The following INSR variants were observed in gnomAD, a reference collection of about 807,000 sequenced individuals.
The protein encoded by INSR is IR.
A neutral mutation model predicts 142.6 loss-of-function variants in INSR; 67 were observed. The observed-to-expected ratio is 0.47, with a 90% CI of 0.39 to 0.58. INSR has a LOEUF of 0.58. INSR is among the 20% of genes least tolerant of loss of function. The pLI, the probability that INSR is intolerant of heterozygous loss-of-function variation, is 0.00. For missense variants in INSR, 1,248 were observed against 1,833.2 expected (o/e 0.68, Z 5.83); for synonymous variants, 756 against 743.1 (o/e 1.02, Z -0.28).
rs112696002 is a variant in INSR at position 7,192,780 on chromosome 19, C to T, written c.653-8143G>A. 6.0e-4 allele frequency among the ~76,000 whole-genome samples: 91 copies of T among 152,306 alleles called. No homozygotes were observed. Among genetic ancestry groups the T allele is most frequent in the African/African-American group, 2.0e-3 (82 of 41,576 alleles). On this transcript the variant is annotated intron_variant, in intron 2 of 21. Coordinates refer to ENST00000302850, the MANE Select transcript of INSR (RefSeq NM_000208.4). The surrounding 1 kb of genome is among the most constrained non-coding windows in gnomAD (Gnocchi z 4.2). Reference sequence around the variant, plus strand: ...CATTGAGCTGCTGGTCCCAATTTTCCCCCAGTTCTCCCTAAACCTCCCAAA... The same window carrying T: ...CATTGAGCTGCTGGTCCCAATTTTCTCCCAGTTCTCCCTAAACCTCCCAAA...
intron 2 of INSR, among the ~76,000 whole-genome samples, chr19:7,233,864 G>A (rs988086067): frequency 2.0e-5 from 3 of 151,040 alleles, no homozygotes; most frequent in Admixed American, 2.0e-4. Flanking sequence ...TTTTAGTAGA[G>A]ACAGGGTTTC....
chr19:7,153,068 A>T (rs1599914138), intron 9 of INSR, 141 bp from the exon 10 acceptor site: 1 of 464,552 alleles, frequency 2.2e-6, no homozygotes, highest in Non-Finnish European at 3.9e-6. Context: ...CACACACACC[A>T]CACACATCAC....
At chr19:7,157,107 A>G (rs1295966124) in intron 9 of INSR, among the ~76,000 whole-genome samples, 3 of 152,150 alleles carry the variant, frequency 2.0e-5, no homozygotes, top group Admixed American at 2.0e-4. Flanking sequence ...CAGCCTCCCA[A>G]GTAGCTGGGA....
Position 7,212,922 on chromosome 19 carries a change from T to C in INSR, c.653-28285A>G, listed in dbSNP as rs573932921. On this transcript the variant is annotated intron_variant, in intron 2 of 21. Transcript: ENST00000302850. ...TTCCATCTGCTTCTGTACCACCCTC[T>C]AGCAGCCCTCTCCAGCCCCGCCCCC... is the stretch of plus-strand genomic sequence containing the variant. 2.6e-5 allele frequency among the ~76,000 whole-genome samples: 4 copies of C among 152,102 alleles called. No homozygotes were observed. In the East Asian group the frequency reaches 7.7e-4, roughly 29 times the overall value.
rs1444015682 is a variant in INSR, at chr19:7,120,530, G to A, written c.3659+90C>T. 3 of 1,514,080 alleles carry A rather than the reference G, an allele frequency of 2.0e-6. No individual in the cohort carries two copies. In the African/African-American group the frequency reaches 4.1e-5, roughly 21 times the overall value. The allele number at this position is 1,514,080 out of a possible 1,614,324, so 93.8% of individuals were successfully genotyped here. On this transcript the variant is annotated intron_variant, in intron 20 of 21. Coordinates refer to ENST00000302850, the MANE Select transcript of INSR (RefSeq NM_000208.4). ...CCTTTCCTTGATGGGGCGTCCAGGA[G>A]GATGGCAGGCTTCCTTCCCCCGCTC...
intron 2 of INSR, among the ~76,000 whole-genome samples, chr19:7,249,436 T>C (rs989922183): frequency 6.6e-6 from 1 of 152,214 alleles, no homozygotes; most frequent in African/African-American, 2.4e-5. Flanking sequence ...GTCTGTGCCC[T>C]GTTTGTCAGA....
chr19:7,256,995 T>A (rs951559272), intron 2 of INSR, among the ~76,000 whole-genome samples: 2 of 143,740 alleles, frequency 1.4e-5, no homozygotes, highest in African/African-American at 5.2e-5. Context: ...CAGGCTGGAG[T>A]GCAGTGGCAC....
chr19:7,252,793 C>G (rs983859519), intron 2 of INSR, among the ~76,000 whole-genome samples: 2 of 152,054 alleles, frequency 1.3e-5, no homozygotes, highest in African/African-American at 4.8e-5. Context: ...TCGCCTGGGA[C>G]AAAACGAGAG....
At chr19:7,208,061 C>G (rs1324224054) in intron 2 of INSR, among the ~76,000 whole-genome samples, 1 of 152,060 alleles carries the variant, frequency 6.6e-6, no homozygotes, top group African/African-American at 2.4e-5. Flanking sequence ...CCTTGTACCC[C>G]CCAGAAAACC....
intron 5 of INSR, 36 bp downstream of exon 5, chr19:7,172,254 A>G (rs1193553689): frequency 1.2e-6 from 2 of 1,611,926 alleles, no homozygotes; most frequent in Admixed American, 3.3e-5. Context: ...CTTCCTAGTT[A>G]GCACTCAGGC....
intron 2 of INSR, among the ~76,000 whole-genome samples, chr19:7,221,798 T>C (rs899106449): frequency 2.0e-5 from 3 of 151,948 alleles, no homozygotes; most frequent in East Asian, 3.8e-4. Context: ...TTTCTAGCTA[T>C]GTCCCCTTCT....
chr19:7,259,097 C>CTCCTTCCT lies in INSR; in HGVS notation c.652+8240_652+8247dup, dbSNP rs1485687803. Among the ~76,000 whole-genome samples, 4 of 1,788 alleles carry CTCCTTCCT rather than the reference C, an allele frequency of 2.2e-3. 1 individual carries two copies. Among genetic ancestry groups the CTCCTTCCT allele is most frequent in the Admixed American group, 0.02 (4 of 196 alleles). 1.2% of individuals were successfully genotyped at this position (1,788 alleles called of 152,430 possible). On this transcript the variant is annotated intron_variant, in intron 2 of 21. Coordinates refer to ENST00000302850, the MANE Select transcript of INSR (RefSeq NM_000208.4). ...CCTCCTTCTTTCCTTCCCGCCTTCC[C>CTCCTTCCT]TCCTTCCTTCCTTCCTTTCTTTCCT... is the stretch of plus-strand genomic sequence containing the variant.
chr19:7,250,236 G>A (rs887280684), intron 2 of INSR, among the ~76,000 whole-genome samples: 2 of 142,364 alleles, frequency 1.4e-5, no homozygotes, highest in African/African-American at 2.6e-5. Context: ...AAGAAGGAAA[G>A]GAAGAAAAGG....
intron 2 of INSR, among the ~76,000 whole-genome samples, chr19:7,235,150 C>T (rs569116368): frequency 6.6e-6 from 1 of 152,238 alleles, no homozygotes; most frequent in Admixed American, 6.5e-5. Flanking sequence ...TCAATCATCA[C>T]TTGCAATCAG....
At chr19:7,229,330 ATAGATG>A (rs1568204417) in intron 2 of INSR, among the ~76,000 whole-genome samples, 10 of 67,034 alleles carry the variant, frequency 1.5e-4, no homozygotes, top group Admixed American at 2.9e-4. Context: ...GGATGGATGG[ATAGATG>A]GATGGATGGA....
In INSR at chr19:7,210,858, T is replaced by C. The variant is rs532360050; in HGVS notation, c.653-26221A>G. 8.5e-5 allele frequency among the ~76,000 whole-genome samples: 13 copies of C among 152,080 alleles called. No individual in the cohort carries two copies. In the South Asian group the frequency reaches 2.3e-3, roughly 27 times the overall value. ...AATTCTCCTGCCTCTGCCTCCCAAG[T>C]AGCTGGGATTACAGCCACCCACCAC... On this transcript the variant is annotated intron_variant, in intron 2 of 21. Transcript: ENST00000302850.
At chr19:7,189,955 C>T (rs564881341) in intron 2 of INSR, among the ~76,000 whole-genome samples, 31 of 152,002 alleles carry the variant, frequency 2.0e-4, no homozygotes, top group Admixed American at 7.9e-4. Context: ...TGACCCACTA[C>T]GCCTGGCCGA....
intron 2 of INSR, among the ~76,000 whole-genome samples, chr19:7,256,291 A>C (rs1038905701): frequency 4.6e-5 from 7 of 151,932 alleles, no homozygotes; most frequent in African/African-American, 1.2e-4. Context: ...TACAAAAAAA[A>C]CACAACAATT....
chr19:7,232,171 C>T (rs377449745), intron 2 of INSR, among the ~76,000 whole-genome samples: 4 of 151,944 alleles, frequency 2.6e-5, no homozygotes, highest in African/African-American at 9.7e-5. Context: ...TATTTTTTGT[C>T]AAAATTCATT....
Sources: allele counts gnomAD v4.1 joint callset (sites outside exome capture counted in the v4.1 genomes callset), GRCh38; gene constraint gnomAD v4.1.1; non-coding constraint Gnocchi (gnomAD v3.1); transcripts MANE v1.5; gene names NCBI Gene and HGNC (gene_info 2026-07-23, HGNC 2026-07-21).